Variants in OXR1 observed in about 807,000 individuals in gnomAD.
OXR1 encodes oxidation resistance protein 1.
OXR1 carries 41 observed loss-of-function variants against 104.6 expected under a neutral mutation model. That is an observed-to-expected ratio of 0.39 (90% confidence interval 0.31 to 0.51). OXR1 has a LOEUF of 0.51. OXR1 is among the 20% of genes least tolerant of loss of function. The pLI is 0.77. For synonymous variants in OXR1, 348 were observed against 348.4 expected, an observed-to-expected ratio of 1.00 and a Z score of 0.01; for missense variants, 955 against 1,031.9, an observed-to-expected ratio of 0.93 and a Z score of 1.02.
chr8:106,717,817 A>T (rs776958), intron 11 of OXR1, among the ~76,000 whole-genome samples: 19,982 of 116,548 alleles, frequency 0.17, 1,565 homozygotes, highest in Non-Finnish European at 0.21. Context: ...CATCAGTTGT[A>T]GTAAATATTT....
intron 3 of OXR1, among the ~76,000 whole-genome samples, chr8:106,520,290 A>AT (rs1813166537): frequency 8.8e-6 from 1 of 113,838 alleles, no homozygotes; most frequent in South Asian, 2.5e-4. Flanking sequence ...TTTTTCTTTG[A>AT]TTTTTTAGTA....
intron 3 of OXR1, among the ~76,000 whole-genome samples, chr8:106,631,925 C>T (rs1052323866): frequency 6.6e-6 from 1 of 152,118 alleles, no homozygotes; most frequent in African/African-American, 2.4e-5. Flanking sequence ...CTATATCCCT[C>T]ATCAAGATAT....
At chr8:106,352,453 G>A (rs1372860305) in intron 1 of OXR1, among the ~76,000 whole-genome samples, 1 of 152,154 alleles carries the variant, frequency 6.6e-6, no homozygotes, top group Non-Finnish European at 1.5e-5. Context: ...GCATAGGATT[G>A]ACCCAGAAAT....
chr8:106,508,978 T>C (rs1037997704), intron 2 of OXR1, among the ~76,000 whole-genome samples: 1 of 152,214 alleles, frequency 6.6e-6, no homozygotes, highest in Admixed American at 6.5e-5. Flanking sequence ...TTTATAGAGA[T>C]AGTTTGTAAT....
In OXR1 at chr8:106,634,870, C is replaced by T. The variant is rs528100927; in HGVS notation, c.221-44340C>T. ...AAAAAAGGCCTTTGCTAGGATCTTGCTAGTGTGGTCCACTTTGAGTCCAGC... is the reference window on the plus strand; with the variant it reads ...AAAAAAGGCCTTTGCTAGGATCTTGTTAGTGTGGTCCACTTTGAGTCCAGC... On this transcript the variant is annotated intron_variant, in intron 3 of 16. Transcript: ENST00000517566. Among the ~76,000 whole-genome samples, 6 of 150,958 alleles carry T rather than the reference C, an allele frequency of 4.0e-5. No homozygotes were observed. In the East Asian group the frequency reaches 9.7e-4, roughly 24 times the overall value.
intron 2 of OXR1, among the ~76,000 whole-genome samples, chr8:106,477,900 C>T (rs576956474): frequency 2.2e-4 from 33 of 151,868 alleles, no homozygotes; most frequent in African/African-American, 7.7e-4. Flanking sequence ...ACTTAGGGCT[C>T]AATAAATATT....
chr8:106,292,907 G>A (rs550256997), intron 1 of OXR1, among the ~76,000 whole-genome samples: 47 of 152,332 alleles, frequency 3.1e-4, no homozygotes, highest in African/African-American at 9.1e-4. Context: ...AGGAAGCTTC[G>A]CCCTGGTTGC....
chr8:106,539,045 C>G (rs529608284), intron 3 of OXR1, among the ~76,000 whole-genome samples: 26 of 152,282 alleles, frequency 1.7e-4, no homozygotes, highest in Middle Eastern at 3.4e-3. Flanking sequence ...AGCCTGTCTT[C>G]CTTCCATTAA....
intron 1 of OXR1, among the ~76,000 whole-genome samples, chr8:106,288,692 AATTTATAT>A (rs1394024662): frequency 6.9e-6 from 1 of 145,584 alleles, no homozygotes; most frequent in Non-Finnish European, 1.5e-5. Context: ...TAAATATACA[AATTTATAT>A]ATTTATATAT....
At chr8:106,534,884 A>G (rs1038794518) in intron 3 of OXR1, among the ~76,000 whole-genome samples, 1 of 152,258 alleles carries the variant, frequency 6.6e-6, no homozygotes, top group Non-Finnish European at 1.5e-5. Flanking sequence ...AAGTGGTTTT[A>G]GCTTGGGAAA....
intron 2 of OXR1, among the ~76,000 whole-genome samples, chr8:106,412,553 G>T (rs1818499271): frequency 6.6e-6 from 1 of 152,004 alleles, no homozygotes; most frequent in Non-Finnish European, 1.5e-5. Flanking sequence ...CCAAATTTAT[G>T]TTGGCACAGA....
chr8:106,646,958 C>G (rs1372244397), intron 3 of OXR1, among the ~76,000 whole-genome samples: 1 of 152,192 alleles, frequency 6.6e-6, no homozygotes, highest in Non-Finnish European at 1.5e-5. Flanking sequence ...TCCAAAAGCT[C>G]CAGAAGCTGC....
chr8:106,278,553 G>T (rs1812152641), intron 1 of OXR1, among the ~76,000 whole-genome samples: 1 of 151,746 alleles, frequency 6.6e-6, no homozygotes, highest in Non-Finnish European at 1.5e-5. Flanking sequence ...ATCCATTAGG[G>T]CTGTTGAATG....
rs556998913 is a variant in OXR1, at chr8:106,375,400, A to G, written c.23+15764A>G. Among the ~76,000 whole-genome samples the G allele has an allele frequency of 2.6e-5, 4 of 152,238 alleles. No homozygotes were observed. In the East Asian group the frequency reaches 7.7e-4, roughly 29 times the overall value. ...TAGGTTCTCATGAAATAAGAAAGTA[A>G]TTTTCTTGAAGGTTTGTTTGATAGT... On this transcript the variant is annotated intron_variant, in intron 2 of 16. Transcript: ENST00000517566.
At chr8:106,272,849 T>C (rs1811874506) in intron 1 of OXR1, 1 of 152,242 alleles carries the variant, frequency 6.6e-6, no homozygotes, top group African/African-American at 2.4e-5. Flanking sequence ...ATGATCATTT[T>C]AGCCATTCTG....
In OXR1 at chr8:106,503,315, G is replaced by T. The variant is rs73309288; in HGVS notation, c.24-15628G>T. Among the ~76,000 whole-genome samples the T allele has an allele frequency of 3.5e-3, 534 of 152,178 alleles. 4 individuals carry two copies. The highest frequency in any genetic ancestry group is 0.012 in the African/African-American group (510 of 41,514). On this transcript the variant is annotated intron_variant, in intron 2 of 16. Transcript: ENST00000517566. ...AAAATTAGACATTTTCTCTATTTCA[G>T]CTAAAACTGAGAAGGTACCTTTTAC...
At chr8:106,651,342 G>C (rs1417055354) in intron 3 of OXR1, among the ~76,000 whole-genome samples, 1 of 152,124 alleles carries the variant, frequency 6.6e-6, no homozygotes, top group African/African-American at 2.4e-5. Context: ...CCAATTCCAA[G>C]ATCATGAAGA....
intron 2 of OXR1, among the ~76,000 whole-genome samples, chr8:106,439,306 A>G (rs368530228): frequency 1.3e-5 from 2 of 152,144 alleles, no homozygotes; most frequent in South Asian, 2.1e-4. Flanking sequence ...GGACATAGCA[A>G]GAAGGTATCT....
intron 2 of OXR1, among the ~76,000 whole-genome samples, chr8:106,387,845 G>A (rs1040061630): frequency 6.6e-5 from 10 of 152,144 alleles, no homozygotes; most frequent in Non-Finnish European, 1.3e-4. Context: ...TACTAAGCTG[G>A]TGACTTAAAG....
Sources: gnomAD v4.1 joint callset for allele counts (sites outside exome capture counted in the v4.1 genomes callset) on GRCh38, gnomAD v4.1.1 for gene constraint, MANE v1.5 for transcripts, NCBI Gene and HGNC (gene_info 2026-07-23, HGNC 2026-07-21) for gene names.